FNBP1L: variants seen among roughly 807,000 people sequenced by gnomAD.
FNBP1L encodes formin binding protein 1 like.
In FNBP1L, 36 loss-of-function variants were observed where a neutral mutation model predicts 91.2. The observed-to-expected ratio is 0.39, with a 90% CI of 0.30 to 0.52. FNBP1L has a LOEUF of 0.52. Among genes scored for constraint, FNBP1L ranks in the 20% least tolerant of loss-of-function variants. The pLI is 0.66. For missense variants in FNBP1L, 571 were observed against 732.1 expected (o/e 0.78, Z 2.54); for synonymous variants, 242 against 237.0 (o/e 1.02, Z -0.19).
In FNBP1L at chr1:93,546,964, A is replaced by C; in HGVS notation, c.1397A>C (p.His466Pro). Reference sequence around the variant, plus strand: ...ATTGACCGCCTACGAATGGAAATCCATAAGAATGAGGTAGATTTGTTATTC... The same window carrying C: ...ATTGACCGCCTACGAATGGAAATCCCTAAGAATGAGGTAGATTTGTTATTC... ...NNIDRLRMEI[H>P]KNEAWLSEVE... Residue 466 changes from histidine to proline, a missense_variant, in exon 13 of 17, where the codon CAT (histidine) becomes CCT (proline). This residue lies in a region of FNBP1L where 189 missense variants were observed against 219.7 expected (regional missense o/e 0.86). Transcript: ENST00000271234. 6.2e-7 allele frequency: 1 copy of C among 1,611,750 alleles called. No homozygotes were observed. Among genetic ancestry groups the C allele is most frequent in the Non-Finnish European group, 8.5e-7 (1 of 1,179,002 alleles).
intron 2 of FNBP1L, among the ~76,000 whole-genome samples, chr1:93,504,218 C>G (rs1459926813): frequency 2.0e-5 from 3 of 152,136 alleles, no homozygotes; most frequent in Non-Finnish European, 4.4e-5. Context: ...ACATGCTGAA[C>G]CTTTGACTAC....
intron 1 of FNBP1L, among the ~76,000 whole-genome samples, chr1:93,473,817 C>T (rs572809480): frequency 3.3e-5 from 5 of 152,254 alleles, no homozygotes; most frequent in African/African-American, 1.2e-4. Flanking sequence ...GAGCTAGTAA[C>T]AGTTGGGAGC....
At chr1:93,493,795 G>A (rs1428997457) in intron 1 of FNBP1L, among the ~76,000 whole-genome samples, 1 of 152,016 alleles carries the variant, frequency 6.6e-6, no homozygotes, top group Non-Finnish European at 1.5e-5. Flanking sequence ...CTTCCATAAT[G>A]CTGCTATGAT....
In FNBP1L at chr1:93,549,339, G is replaced by T; in HGVS notation, c.1564G>T (p.Gly522Cys). ...AGTCCGTGGGCCACCCCAGCAGCAT[G>T]GTCACCACAATGAGTTTGATGATGA... ...QEVRGPPQQH[G>C]HHNEFDDEFE... Residue 522 changes from glycine to cysteine, a missense_variant, in exon 15 of 17, where the codon GGT (glycine) becomes TGT (cysteine). Gly to Cys is a radical substitution (Grantham distance 159). Coordinates refer to ENST00000271234, the MANE Select transcript of FNBP1L (RefSeq NM_001164473.3). The T allele has an allele frequency of 6.2e-7, 1 of 1,612,932 alleles. No individual in the cohort carries two copies. Among genetic ancestry groups the T allele is most frequent in the South Asian group, 1.1e-5 (1 of 90,980 alleles).
At chr1:93,473,321 T>C (rs182587315) in intron 1 of FNBP1L, among the ~76,000 whole-genome samples, 1,547 of 152,308 alleles carry the variant, frequency 0.01, 16 homozygotes, top group Non-Finnish European at 0.013. Context: ...CCAAGCACTT[T>C]GCTAGATGTT....
chr1:93,529,056 A>G (rs1671587000), intron 5 of FNBP1L, among the ~76,000 whole-genome samples: 1 of 152,096 alleles, frequency 6.6e-6, no homozygotes, highest in South Asian at 2.1e-4. Context: ...GGAAGAAACA[A>G]TATAAAACCA....
chr1:93,482,906 T>C (rs1162420041), intron 1 of FNBP1L, among the ~76,000 whole-genome samples: 2 of 151,088 alleles, frequency 1.3e-5, no homozygotes, highest in Non-Finnish European at 2.9e-5. Flanking sequence ...TAGTCCCAGC[T>C]ACTCAGGAGG....
Position 93,524,299 on chromosome 1 carries a change from C to T in FNBP1L, c.381C>T (p.Asp127=). The change falls in exon 5 of 17, where the codon GAC becomes GAT. Residue 127 remains aspartate, a synonymous_variant. Transcript: ENST00000271234. Reference sequence around the variant, plus strand: ...GACGAAAAGCTCAACAATATCTTGACATGTGCTGGAAACAGATGGATAATG... The same window carrying T: ...GACGAAAAGCTCAACAATATCTTGATATGTGCTGGAAACAGATGGATAATG... ...QEGRKAQQYL[D]MCWKQMDNSK... 1 of 1,512,020 alleles carries T rather than the reference C, an allele frequency of 6.6e-7. No homozygotes were observed. Among genetic ancestry groups the T allele is most frequent in the Non-Finnish European group, 8.9e-7 (1 of 1,128,192 alleles). The allele number at this position is 1,512,020 out of a possible 1,614,324, so 93.7% of individuals were successfully genotyped here.
Position 93,553,058 on chromosome 1 carries a change from T to C in FNBP1L, c.*642T>C, listed in dbSNP as rs1263892554. ...ACTGCAAACATTCCAGTTTTGGCAT[T>C]ACGAAGAAGTAGCTGTGAACCTGAA... On this transcript the variant is annotated 3_prime_UTR_variant, in exon 17 of 17. Transcript: ENST00000271234. The C allele has an allele frequency of 6.6e-6, 1 of 152,434 alleles. No individual in the cohort carries two copies. Among genetic ancestry groups the C allele is most frequent in the Non-Finnish European group, 1.5e-5 (1 of 68,050 alleles). 9.4% of individuals were successfully genotyped at this position (152,434 alleles called of 1,614,324 possible). A position where few individuals can be genotyped will look rare whatever the true frequency, so the allele number is the denominator to read the frequency against.
intron 10 of FNBP1L, among the ~76,000 whole-genome samples, chr1:93,537,027 G>A (rs1040670926): frequency 6.6e-6 from 1 of 151,926 alleles, no homozygotes; most frequent in Non-Finnish European, 1.5e-5. Flanking sequence ...TTAGAAAATA[G>A]ATTGTAAATT....
At chr1:93,475,968 TG>T (rs2101702669) in intron 1 of FNBP1L, among the ~76,000 whole-genome samples, 1 of 152,348 alleles carries the variant, frequency 6.6e-6, no homozygotes, top group African/African-American at 2.4e-5. Context: ...GACTCAATTT[TG>T]TTTTTTTAAT....
chr1:93,524,581 CTT>C (rs34173735), intron 5 of FNBP1L, among the ~76,000 whole-genome samples: 204 of 113,358 alleles, frequency 1.8e-3, no homozygotes, highest in Admixed American at 2.7e-3. Flanking sequence ...TAAGGAGATT[CTT>C]TTTTTTTTTT....
At chr1:93,514,898 A>C (rs1174066050) in intron 2 of FNBP1L, among the ~76,000 whole-genome samples, 2 of 152,352 alleles carry the variant, frequency 1.3e-5, no homozygotes, top group East Asian at 1.9e-4. Flanking sequence ...CAATGGCAAC[A>C]AAAGCCAGAA....
At chr1:93,527,889 C>T (rs1671543945) in intron 5 of FNBP1L, among the ~76,000 whole-genome samples, 1 of 151,416 alleles carries the variant, frequency 6.6e-6, no homozygotes, top group Admixed American at 6.6e-5. Flanking sequence ...AGCTAATATT[C>T]TCAAAGGGAA....
chr1:93,544,355 C>T (rs1484948105), intron 12 of FNBP1L, 139 bp downstream of exon 12: 2 of 489,436 alleles, frequency 4.1e-6, no homozygotes, highest in East Asian at 3.9e-5. Context: ...ATACTCCTAC[C>T]CTGGAAATTT....
At chr1:93,501,488 C>T (rs1315284356) in intron 2 of FNBP1L, among the ~76,000 whole-genome samples, 1 of 152,030 alleles carries the variant, frequency 6.6e-6, no homozygotes, top group Non-Finnish European at 1.5e-5. Flanking sequence ...TTTAAAAACC[C>T]ACTCTCAAAA....
intron 1 of FNBP1L, among the ~76,000 whole-genome samples, chr1:93,483,027 A>C (rs530988227): frequency 2.7e-3 from 407 of 150,634 alleles, no homozygotes; most frequent in African/African-American, 4.1e-3. Context: ...AAAAAAAACA[A>C]AAAAAACAAA....
chr1:93,532,250 C>T (rs533246126), intron 7 of FNBP1L, among the ~76,000 whole-genome samples: 15 of 152,070 alleles, frequency 9.9e-5, no homozygotes, highest in African/African-American at 3.4e-4. Context: ...AGGTGGATCA[C>T]GAGGTCAAGA....
chr1:93,509,070 C>T (rs748608354), intron 2 of FNBP1L, among the ~76,000 whole-genome samples: 25 of 152,156 alleles, frequency 1.6e-4, no homozygotes, highest in African/African-American at 4.6e-4. Flanking sequence ...AATAAATACT[C>T]CTGGACCTTA....
Sources: allele counts gnomAD v4.1 joint callset (sites outside exome capture counted in the v4.1 genomes callset), GRCh38; gene constraint gnomAD v4.1.1; regional missense constraint gnomAD v4.1.1; transcripts MANE v1.5; gene names NCBI Gene and HGNC (gene_info 2026-07-23, HGNC 2026-07-21).